LRRTM4: variants seen among roughly 807,000 people sequenced by gnomAD.
LRRTM4 encodes the protein leucine-rich repeat transmembrane neuronal protein 4.
LRRTM4 carries 25 observed loss-of-function variants against 47.6 expected under a neutral mutation model. The observed-to-expected ratio is 0.53, with a 90% CI of 0.38 to 0.73. LRRTM4 has a LOEUF of 0.73. LRRTM4 is among the 30% of genes least tolerant of loss of function. The probability of loss-of-function intolerance (pLI) is 0.00; values close to 1 mark genes in which losing one functional copy is unlikely to be tolerated. For missense variants in LRRTM4, 638 were observed against 713.4 expected (o/e 0.89, Z 1.20); for synonymous variants, 311 against 269.5 (o/e 1.15, Z -1.51).
At chr2:77,285,331 G>T (rs1676620217) in intron 3 of LRRTM4, among the ~76,000 whole-genome samples, 1 of 19,170 alleles carries the variant, frequency 5.2e-5, no homozygotes, top group African/African-American at 1.8e-4. Context: ...ATTCTACTCA[G>T]CATTAAATTT....
At chr2:77,386,107 A>C (rs1156824833) in intron 3 of LRRTM4, among the ~76,000 whole-genome samples, 1 of 151,572 alleles carries the variant, frequency 6.6e-6, no homozygotes, top group Non-Finnish European at 1.5e-5. Flanking sequence ...TTCTTTAAAA[A>C]ATATTATATG....
At chr2:77,227,662 G>A (rs1398278529) in intron 3 of LRRTM4, among the ~76,000 whole-genome samples, 1 of 152,014 alleles carries the variant, frequency 6.6e-6, no homozygotes, top group Non-Finnish European at 1.5e-5. Flanking sequence ...GGTTACACCT[G>A]TTAGTTTCTT....
chr2:76,805,014 C>T (rs972119296), intron 3 of LRRTM4, among the ~76,000 whole-genome samples: 26 of 152,040 alleles, frequency 1.7e-4, no homozygotes, highest in African/African-American at 6.0e-4. Flanking sequence ...GGGAGATTGA[C>T]TATGACCTTT....
At position 77,127,810 on chromosome 2, in the gene LRRTM4, T is replaced by C. The variant is rs770451448; in HGVS notation, c.1552-378894A>G. 3.3e-5 allele frequency among the ~76,000 whole-genome samples: 5 copies of C among 152,210 alleles called. No individual in the cohort carries two copies. The South Asian group carries it at 6.2e-4, about 19-fold the overall frequency. On this transcript the variant is annotated intron_variant, in intron 3 of 3. Coordinates refer to ENST00000409884, the MANE Select transcript of LRRTM4 (RefSeq NM_001134745.3). ...GGAAAGTTAGACAGCTCGAATCACA[T>C]AGCTAAATAGCCCTTAGATTCTTAA...
At chr2:77,190,008 T>C (rs1165189293) in intron 3 of LRRTM4, among the ~76,000 whole-genome samples, 1 of 152,130 alleles carries the variant, frequency 6.6e-6, no homozygotes, top group African/African-American at 2.4e-5. Flanking sequence ...TGGAAAATTC[T>C]AACTTTAATT....
At chr2:76,972,054 C>T (rs1407409053) in intron 3 of LRRTM4, among the ~76,000 whole-genome samples, 2 of 151,980 alleles carry the variant, frequency 1.3e-5, no homozygotes, top group Admixed American at 1.3e-4. Context: ...AAATATAGTA[C>T]TAGAACCTGG....
At chr2:77,027,272 T>G (rs973508929) in intron 3 of LRRTM4, among the ~76,000 whole-genome samples, 4 of 152,162 alleles carry the variant, frequency 2.6e-5, no homozygotes, top group African/African-American at 9.6e-5. Context: ...GGGAAATAGA[T>G]GCTTTAATCT....
intron 3 of LRRTM4, among the ~76,000 whole-genome samples, chr2:77,167,649 G>T (rs1442101346): frequency 2.0e-5 from 3 of 152,178 alleles, no homozygotes; most frequent in Admixed American, 1.3e-4. Context: ...CATGCCCTTT[G>T]TAGGGACATG....
rs951876509 is a variant in LRRTM4, at chr2:77,033,210, C to T, written c.1552-284294G>A. 4.0e-5 allele frequency among the ~76,000 whole-genome samples: 6 copies of T among 151,886 alleles called. No homozygotes were observed. In the East Asian group the frequency reaches 1.2e-3, roughly 29 times the overall value. ...ATTGTAATCTATTCAGTATTTAAAA[C>T]TCATATTTTCTAAACAAGATCATTG... On this transcript the variant is annotated intron_variant, in intron 3 of 3. Coordinates refer to ENST00000409884, the MANE Select transcript of LRRTM4 (RefSeq NM_001134745.3).
chr2:76,869,433 T>A (rs1402206421), intron 3 of LRRTM4, among the ~76,000 whole-genome samples: 3 of 152,174 alleles, frequency 2.0e-5, no homozygotes, highest in African/African-American at 4.8e-5. Context: ...TTTCTTCCAT[T>A]AGGCTTGTCT....
chr2:77,433,430 G>A (rs1030260900), intron 3 of LRRTM4, among the ~76,000 whole-genome samples: 20 of 152,162 alleles, frequency 1.3e-4, no homozygotes, highest in Admixed American at 7.9e-4. Flanking sequence ...AAATCAAAAC[G>A]GATTGCCAAG....
At chr2:76,941,108 AAAG>A (rs1422332471) in intron 3 of LRRTM4, among the ~76,000 whole-genome samples, 11 of 152,224 alleles carry the variant, frequency 7.2e-5, no homozygotes, top group South Asian at 4.1e-4. Context: ...GAGACACAAT[AAAG>A]AAGAAGGTAA....
chr2:77,458,672 T>C (rs759799830), intron 3 of LRRTM4, among the ~76,000 whole-genome samples: 1 of 151,908 alleles, frequency 6.6e-6, no homozygotes, highest in Non-Finnish European at 1.5e-5. Flanking sequence ...GGCAGGTTTT[T>C]CCTTCCTTGC....
chr2:77,001,237 A>G (rs1159593399), intron 3 of LRRTM4, among the ~76,000 whole-genome samples: 3 of 152,168 alleles, frequency 2.0e-5, no homozygotes, highest in Non-Finnish European at 4.4e-5. Context: ...AGTAAGGCCC[A>G]AAGAGAGAAG....
At chr2:77,127,792 T>C (rs148316426) in intron 3 of LRRTM4, among the ~76,000 whole-genome samples, 1 of 152,194 alleles carries the variant, frequency 6.6e-6, no homozygotes, top group African/African-American at 2.4e-5. Flanking sequence ...GATGGAAAGT[T>C]AGACAGCTCG....
At chr2:77,063,339 C>T (rs1206362955) in intron 3 of LRRTM4, among the ~76,000 whole-genome samples, 2 of 152,082 alleles carry the variant, frequency 1.3e-5, no homozygotes, top group Non-Finnish European at 1.5e-5. Flanking sequence ...TCTCCAAAGA[C>T]TTGTTTTACA....
intron 3 of LRRTM4, among the ~76,000 whole-genome samples, chr2:76,835,041 G>T (rs1009342352): frequency 1.3e-4 from 20 of 152,146 alleles, no homozygotes; most frequent in African/African-American, 4.3e-4. Context: ...GAAGACATAA[G>T]ACCAATAGCA....
intron 3 of LRRTM4, among the ~76,000 whole-genome samples, chr2:77,067,116 C>T (rs1272028755): frequency 1.3e-5 from 2 of 152,282 alleles, no homozygotes; most frequent in African/African-American, 4.8e-5. Flanking sequence ...CTTTACACTG[C>T]CTATTGCAAC....
intron 3 of LRRTM4, among the ~76,000 whole-genome samples, chr2:77,113,577 G>A (rs1285848251): frequency 6.6e-6 from 1 of 152,114 alleles, no homozygotes; most frequent in Non-Finnish European, 1.5e-5. Context: ...GACAGGAAAA[G>A]CATGTGTAGA....
Sources: gnomAD v4.1 joint callset for allele counts (sites outside exome capture counted in the v4.1 genomes callset) on GRCh38, gnomAD v4.1.1 for gene constraint, MANE v1.5 for transcripts, NCBI Gene and HGNC (gene_info 2026-07-23, HGNC 2026-07-21) for gene names.